CCDC7: variants seen among roughly 807,000 people sequenced by gnomAD.
CCDC7 encodes coiled-coil domain-containing protein 7.
In CCDC7, 183 loss-of-function variants were observed where a neutral mutation model predicts 196.9. The ratio of observed to expected loss-of-function variants is 0.93; its 90% CI spans 0.82 to 1.05. The LOEUF (loss-of-function observed/expected upper bound fraction) is 1.05. CCDC7 is among the 50% of genes least tolerant of loss of function. CCDC7 has a pLI of 0.00. For missense variants in CCDC7, 1,540 were observed against 1,482.2 expected (o/e 1.04, Z -0.64); for synonymous variants, 525 against 484.6 (o/e 1.08, Z -1.10).
intron 13 of CCDC7, among the ~76,000 whole-genome samples, chr10:32,557,468 G>A (rs989347693): frequency 4.0e-5 from 6 of 151,202 alleles, no homozygotes; most frequent in African/African-American, 1.5e-4. Context: ...TTCCTTATGG[G>A]ATACAATTAT....
In CCDC7 at chr10:32,699,739, C is replaced by T. The variant is rs1432838520; in HGVS notation, c.2458+4747C>T. 4.7e-5 allele frequency among the ~76,000 whole-genome samples: 7 copies of T among 149,292 alleles called. 1 individual carries two copies. The highest frequency in any genetic ancestry group is 1.0e-4 in the African/African-American group (4 of 38,690). ...TGTTGTCTCCTGACTTTTTAATGAT[C>T]GTCATTCTAACTGGTGTGAGATGGT... On this transcript the variant is annotated intron_variant, in intron 24 of 41. Transcript: ENST00000639629.
chr10:32,662,602 A>G (rs1254231174), intron 20 of CCDC7, among the ~76,000 whole-genome samples: 3 of 152,188 alleles, frequency 2.0e-5, no homozygotes, highest in Non-Finnish European at 4.4e-5. Context: ...TTGAGCAACT[A>G]GAGCCATAGA....
At chr10:32,857,663 A>T (rs961661910) in intron 41 of CCDC7, among the ~76,000 whole-genome samples, 17 of 152,144 alleles carry the variant, frequency 1.1e-4, no homozygotes, top group Non-Finnish European at 1.5e-4. Flanking sequence ...GCAATAAATG[A>T]CCACATTATA....
At chr10:32,779,978 G>T (rs892447479) in intron 29 of CCDC7, among the ~76,000 whole-genome samples, 1 of 152,168 alleles carries the variant, frequency 6.6e-6, no homozygotes, top group Non-Finnish European at 1.5e-5. Flanking sequence ...AGTGGCTCAC[G>T]CCTGTAATCC....
chr10:32,655,673 A>G (rs2069680486), intron 20 of CCDC7, among the ~76,000 whole-genome samples: 1 of 151,950 alleles, frequency 6.6e-6, no homozygotes. Context: ...ACTACTTGGG[A>G]TGCCACCCAA....
rs2038298322 is a variant in CCDC7, at chr10:32,473,186, T to C, written c.739+644T>C. Among the ~76,000 whole-genome samples, 5 of 152,198 alleles carry C rather than the reference T, an allele frequency of 3.3e-5. 1 individual carries two copies. In the South Asian group the frequency reaches 1.0e-3, roughly 31 times the overall value. ...AGTACAGTGTCATGCATGATAAAGG[T>C]ATGTGGAATTTGCATTGGGTCCACA... On this transcript the variant is annotated intron_variant, in intron 7 of 41. Transcript: ENST00000639629.
chr10:32,550,452 G>C (rs2053281984), intron 13 of CCDC7, among the ~76,000 whole-genome samples: 1 of 152,118 alleles, frequency 6.6e-6, no homozygotes, highest in Admixed American at 6.5e-5. Flanking sequence ...TGTTGAGGAG[G>C]AGTGGTGAGA....
chr10:32,782,852 G>A (rs1565490076), intron 29 of CCDC7, among the ~76,000 whole-genome samples: 2 of 152,188 alleles, frequency 1.3e-5, no homozygotes, highest in Non-Finnish European at 1.5e-5. Flanking sequence ...TCCTTGCTAT[G>A]TGGTCAAATA....
chr10:32,874,469 T>TA (rs1262011620), intron 41 of CCDC7, among the ~76,000 whole-genome samples: 1 of 151,626 alleles, frequency 6.6e-6, no homozygotes, highest in African/African-American at 2.4e-5. Context: ...CAGTGTCCAT[T>TA]ATACCACTCT....
At chr10:32,461,005 A>G (rs1034346933) in intron 3 of CCDC7, among the ~76,000 whole-genome samples, 1 of 151,992 alleles carries the variant, frequency 6.6e-6, no homozygotes, top group African/African-American at 2.4e-5. Flanking sequence ...ATCTTATGTT[A>G]CTCCCTGAAT....
rs569477719 is a variant in CCDC7 at position 32,638,060 on chromosome 10, T to A, written c.2014+2902T>A. On this transcript the variant is annotated intron_variant, in intron 20 of 41. Transcript: ENST00000639629. The stretch of plus-strand genomic sequence containing the variant: ...TGTTATTGGTGTATGAGAATGCTTG[T>A]GATTTTTGCACATTGATTTTGTATC... 3.9e-5 allele frequency among the ~76,000 whole-genome samples: 6 copies of A among 152,306 alleles called. No homozygotes were observed. The South Asian group carries it at 1.2e-3, about 32-fold the overall frequency.
chr10:32,502,506 C>T (rs2044237428), intron 9 of CCDC7, among the ~76,000 whole-genome samples: 1 of 151,990 alleles, frequency 6.6e-6, no homozygotes, highest in African/African-American at 2.4e-5. Context: ...TCCTATTTGG[C>T]CATCTTTTTG....
intron 2 of CCDC7, among the ~76,000 whole-genome samples, chr10:32,453,851 A>G (rs1176594788): frequency 6.6e-6 from 1 of 152,236 alleles, no homozygotes; most frequent in Non-Finnish European, 1.5e-5. Context: ...TTAAGTGGTT[A>G]TCCAAGATTA....
rs115481514 is a variant in CCDC7 at position 32,654,512 on chromosome 10, C to T, written c.2015-9542C>T. 7.6e-3 allele frequency among the ~76,000 whole-genome samples: 1,155 copies of T among 152,208 alleles called. 23 individuals carry two copies. Among genetic ancestry groups the T allele is most frequent in the African/African-American group, 0.026 (1,066 of 41,528 alleles). ...TTGTTTGATTAGTGCATTTCTTGGACTAGTTTTGTAAAGTTTATATATTTT... is the reference window on the plus strand; with the variant it reads ...TTGTTTGATTAGTGCATTTCTTGGATTAGTTTTGTAAAGTTTATATATTTT... On this transcript the variant is annotated intron_variant, in intron 20 of 41. Transcript: ENST00000639629.
intron 20 of CCDC7, among the ~76,000 whole-genome samples, chr10:32,651,223 A>G (rs977145292): frequency 3.3e-5 from 5 of 152,176 alleles, no homozygotes; most frequent in African/African-American, 1.2e-4. Flanking sequence ...AAGATTGAGC[A>G]GTCTCCCAGT....
At chr10:32,661,991 C>T (rs1186141924) in intron 20 of CCDC7, among the ~76,000 whole-genome samples, 6 of 152,086 alleles carry the variant, frequency 3.9e-5, no homozygotes, top group Admixed American at 1.3e-4. Context: ...AGTTAAGTTC[C>T]AGGGAACTTT....
intron 26 of CCDC7, among the ~76,000 whole-genome samples, chr10:32,728,064 G>A (rs2083380342): frequency 6.6e-6 from 1 of 152,134 alleles, no homozygotes; most frequent in African/African-American, 2.4e-5. Flanking sequence ...AGGAATGAGA[G>A]GGTCTTGAAG....
At chr10:32,736,560 T>A (rs2084905892) in intron 28 of CCDC7, among the ~76,000 whole-genome samples, 1 of 150,688 alleles carries the variant, frequency 6.6e-6, no homozygotes, top group African/African-American at 2.4e-5. Flanking sequence ...CCCACAACAG[T>A]CCCCAGAGTG....
At chr10:32,696,973 C>T (rs900553398) in intron 24 of CCDC7, among the ~76,000 whole-genome samples, 1 of 152,018 alleles carries the variant, frequency 6.6e-6, no homozygotes, top group African/African-American at 2.4e-5. Context: ...TTTGCATGGA[C>T]CAGGGCTGAG....
Sources: allele counts gnomAD v4.1 joint callset (sites outside exome capture counted in the v4.1 genomes callset), GRCh38; gene constraint gnomAD v4.1.1; transcripts MANE v1.5; gene names NCBI Gene and HGNC (gene_info 2026-07-23, HGNC 2026-07-21).